SLC9C2: variants seen among roughly 807,000 people sequenced by gnomAD.
The protein encoded by SLC9C2 is solute carrier family 9 member C2 (putative), also known as sodium/hydrogen exchanger 11.
In SLC9C2, 75 loss-of-function variants were observed where a neutral mutation model predicts 140.2. The ratio of observed to expected loss-of-function variants is 0.53; its 90% CI spans 0.44 to 0.65. The LOEUF is 0.65. Among genes scored for constraint, SLC9C2 ranks in the 30% least tolerant of loss-of-function variants. The pLI is 0.00. For synonymous variants in SLC9C2, 375 were observed against 420.9 expected (o/e 0.89, Z 1.34); for missense variants, 1,074 against 1,331.8 (o/e 0.81, Z 3.01).
At chr1:173,587,898 A>T (rs1013806914) in intron 4 of SLC9C2, 68 bp from the exon 5 acceptor site, 9 of 1,213,628 alleles carry the variant, frequency 7.4e-6, no homozygotes, top group African/African-American at 3.0e-5. Flanking sequence ...ATTTACTTAT[A>T]TCCTAAGAGT....
At chr1:173,503,196 AT>A in intron 27 of SLC9C2, 69 bp downstream of exon 27, 7 of 1,379,892 alleles carry the variant, frequency 5.1e-6, no homozygotes, top group Non-Finnish European at 6.0e-6. Flanking sequence ...TTTTGCCTCA[AT>A]TTATTTTAGC....
At chr1:173,600,333 T>C (rs1006859779) in intron 2 of SLC9C2, 116 bp from the exon 3 acceptor site, 1 of 453,854 alleles carries the variant, frequency 2.2e-6, no homozygotes, top group Admixed American at 4.3e-5. Context: ...CAATTAATAT[T>C]TAATGATGTG....
At chr1:173,505,818 T>C (rs973857889) in intron 25 of SLC9C2, among the ~76,000 whole-genome samples, 2 of 152,140 alleles carry the variant, frequency 1.3e-5, no homozygotes, top group Non-Finnish European at 2.9e-5. Flanking sequence ...AATAACCCGA[T>C]AAGATGGCTG....
chr1:173,504,440 T>C (rs1208239272), intron 26 of SLC9C2, among the ~76,000 whole-genome samples: 6 of 152,092 alleles, frequency 3.9e-5, no homozygotes, highest in Admixed American at 6.5e-5. Flanking sequence ...TGAGAAAACG[T>C]CACTCTTCGC....
intron 25 of SLC9C2, among the ~76,000 whole-genome samples, chr1:173,506,306 G>A (rs774699822): frequency 5.9e-5 from 9 of 152,212 alleles, no homozygotes; most frequent in Non-Finnish European, 1.3e-4. Context: ...CCCAGTGGCA[G>A]GCAGCTTGGG....
chr1:173,541,089 G>C (rs919196633), intron 13 of SLC9C2, among the ~76,000 whole-genome samples: 2 of 152,044 alleles, frequency 1.3e-5, no homozygotes, highest in Admixed American at 6.6e-5. Flanking sequence ...AGACCCATCA[G>C]TGTGCTGTAC....
intron 8 of SLC9C2, among the ~76,000 whole-genome samples, chr1:173,576,129 A>G (rs187064463): frequency 6.6e-6 from 1 of 152,266 alleles, no homozygotes; most frequent in African/African-American, 2.4e-5. Context: ...GGTATTCGAT[A>G]ATTCTGAACC....
At chr1:173,577,349 C>T (rs1452033505) in intron 7 of SLC9C2, among the ~76,000 whole-genome samples, 6 of 152,204 alleles carry the variant, frequency 3.9e-5, no homozygotes, top group Non-Finnish European at 2.9e-5. Context: ...CAGTTCCTTA[C>T]ACCTGCTTTT....
intron 13 of SLC9C2, among the ~76,000 whole-genome samples, chr1:173,547,470 C>CATAG (rs1662930445): frequency 3.3e-5 from 5 of 150,530 alleles, no homozygotes; most frequent in Admixed American, 6.7e-5. Context: ...CTAAAATTTG[C>CATAG]CAGACATAGA....
At chr1:173,550,963 T>G (rs1211015622) in intron 11 of SLC9C2, among the ~76,000 whole-genome samples, 1 of 148,050 alleles carries the variant, frequency 6.8e-6, no homozygotes, top group Non-Finnish European at 1.5e-5. Context: ...AGTCCATAAC[T>G]GGGGGAAAAG....
At chr1:173,585,764 C>T (rs1001541119) in intron 5 of SLC9C2, among the ~76,000 whole-genome samples, 3 of 152,034 alleles carry the variant, frequency 2.0e-5, no homozygotes, top group Non-Finnish European at 4.4e-5. Flanking sequence ...GTCAGGAGTT[C>T]GAGATCAGCC....
At chr1:173,509,181 C>T (rs776015542) in intron 24 of SLC9C2, among the ~76,000 whole-genome samples, 9 of 152,098 alleles carry the variant, frequency 5.9e-5, no homozygotes, top group Non-Finnish European at 1.2e-4. Flanking sequence ...CAGTGGCTCA[C>T]GCCTATAATC....
intron 7 of SLC9C2, among the ~76,000 whole-genome samples, chr1:173,577,947 A>C (rs1026988716): frequency 6.6e-6 from 1 of 152,182 alleles, no homozygotes; most frequent in Non-Finnish European, 1.5e-5. Context: ...GCAAACTGTG[A>C]TGACAGGGAA....
chr1:173,546,641 A>G (rs1275682296), intron 13 of SLC9C2, among the ~76,000 whole-genome samples: 3 of 152,186 alleles, frequency 2.0e-5, no homozygotes, highest in African/African-American at 7.2e-5. Flanking sequence ...AAATGAAAGC[A>G]AAAAGAAGAA....
chr1:173,501,201 T>C (rs1255658527), intron 27 of SLC9C2, 104 bp from the exon 28 acceptor site: 18 of 1,189,716 alleles, frequency 1.5e-5, no homozygotes, highest in Non-Finnish European at 1.9e-5. Flanking sequence ...ATTTCTATTT[T>C]ATTATCTGAA....
At chr1:173,503,012 C>G (rs1188420584) in intron 27 of SLC9C2, among the ~76,000 whole-genome samples, 1 of 152,130 alleles carries the variant, frequency 6.6e-6, no homozygotes, top group Non-Finnish European at 1.5e-5. Context: ...TAGATCCCTA[C>G]TCTTTGACCT....
chr1:173,587,562 C>T, intron 5 of SLC9C2, 103 bp downstream of exon 5: 1 of 1,137,268 alleles, frequency 8.8e-7, no homozygotes, highest in Non-Finnish European at 1.2e-6. Context: ...AGCACAGAGT[C>T]TTATTCTTCT....
chr1:173,601,681 T>C lies in SLC9C2; in HGVS notation c.96A>G (p.Thr32=). ...AAACAACAATGAAGCATACAAGCGT[T>C]GTGAAATGTTTCTCTTCAACAAGGT... The part of the protein sequence containing the change: ...ADYLVEEKHF[T]TLVCFIVVLG... The change falls in exon 2 of 28, where the codon ACA becomes ACG. Residue 32 remains threonine, a synonymous_variant. Transcript: ENST00000367714. 6.2e-7 allele frequency: 1 copy of C among 1,614,070 alleles called. No individual in the cohort carries two copies. Among genetic ancestry groups the C allele is most frequent in the Non-Finnish European group, 8.5e-7 (1 of 1,179,934 alleles).
intron 6 of SLC9C2, 125 bp from the exon 7 acceptor site, chr1:173,582,133 GT>G: frequency 6.2e-6 from 4 of 646,188 alleles, no homozygotes; most frequent in African/African-American, 1.8e-5. Flanking sequence ...CACCTTATTT[GT>G]CAGCAAATAG....
Sources: gnomAD v4.1 joint callset for allele counts (sites outside exome capture counted in the v4.1 genomes callset) on GRCh38, gnomAD v4.1.1 for gene constraint, MANE v1.5 for transcripts, NCBI Gene and HGNC (gene_info 2026-07-23, HGNC 2026-07-21) for gene names.